The following ARID1A variants were observed in gnomAD, a reference collection of about 807,000 sequenced individuals.
The protein encoded by ARID1A is AT-rich interactive domain-containing protein 1A.
Under a neutral mutation model 212.6 loss-of-function variants are expected in ARID1A, and 20 were observed. The ratio of observed to expected loss-of-function variants is 0.09; its 90% CI spans 0.07 to 0.14. The LOEUF (loss-of-function observed/expected upper bound fraction) is 0.14, where lower values mean the gene tolerates loss of function less well. Among genes scored for constraint, ARID1A ranks in the 10% least tolerant of loss-of-function variants. ARID1A has a pLI of 1.00. For missense variants in ARID1A, 2,587 were observed against 3,059.0 expected (o/e 0.85, Z 3.64); for synonymous variants, 1,376 against 1,222.1 (o/e 1.13, Z -2.63).
chr1:26,728,457 T>C (rs1570572903), intron 1 of ARID1A, among the ~76,000 whole-genome samples: 1 of 152,230 alleles, frequency 6.6e-6, no homozygotes, highest in Non-Finnish European at 1.5e-5. Context: ...GCTTAAATTA[T>C]AGAATAGCTT....
rs949450777 is a variant in ARID1A, at chr1:26,766,468, A to G, written c.2890A>G (p.Ser964Gly). The G allele has an allele frequency of 3.1e-6, 5 of 1,613,986 alleles. No homozygotes were observed. In the African/African-American group the frequency reaches 6.7e-5, roughly 22 times the overall value. ...TTTCTCTTTTACAGGGATGGCAGCC[A>G]GCCCAGAGATGATGGGCCTTGGGGA... The part of the protein sequence containing the change: ...MANNSAGMAA[S>G]PEMMGLGDVK... Residue 964 changes from serine (S) to glycine (G), a missense_variant, in exon 10 of 20, where the codon AGC (serine) becomes GGC (glycine). Physicochemically the swap from Ser to Gly is moderately conservative, Grantham distance 56. Around this residue, in one of 11 missense-constraint regions of ARID1A, gnomAD observed 674 missense variants for 813.4 expected, o/e 0.83. Transcript: ENST00000324856.
In ARID1A at chr1:26,729,764, C is replaced by T. The variant is rs755066600; in HGVS notation, c.1251C>T (p.Tyr417=). ...CAGGACCGCAGCAAGGACATGGGTA[C>T]CCAGGGCAGCCATACGGGTCCCAGA... ...PPSGPQQGHG[Y]PGQPYGSQTP... is the part of the protein sequence containing the mutation. The change falls in exon 2 of 20, where the codon TAC becomes TAT. Residue 417 remains tyrosine, a synonymous_variant. Transcript: ENST00000324856. 5.0e-6 allele frequency: 8 copies of T among 1,614,106 alleles called. No homozygotes were observed. Among genetic ancestry groups the T allele is most frequent in the Non-Finnish European group, 6.8e-6 (8 of 1,180,042 alleles).
At chr1:26,716,305 T>A (rs2080502604) in intron 1 of ARID1A, among the ~76,000 whole-genome samples, 1 of 151,988 alleles carries the variant, frequency 6.6e-6, no homozygotes, top group Non-Finnish European at 1.5e-5. Flanking sequence ...CTACAGTGAA[T>A]CAGATAGTAT....
Position 26,701,357 on chromosome 1 carries a change from C to T in ARID1A, c.1137+3817C>T, listed in dbSNP as rs569693268. 7.2e-5 allele frequency among the ~76,000 whole-genome samples: 11 copies of T among 152,258 alleles called. 1 individual carries two copies. The South Asian group carries it at 2.3e-3, about 32-fold the overall frequency. On this transcript the variant is annotated intron_variant, in intron 1 of 19. Transcript: ENST00000324856. The stretch of plus-strand genomic sequence containing the variant: ...CTGGGGCTTGAATGGAGTCCTGATT[C>T]CTGTGGCTTTTATCTCTGGGTTTTT...
intron 4 of ARID1A, among the ~76,000 whole-genome samples, chr1:26,733,276 G>A (rs1313577146): frequency 6.6e-6 from 1 of 151,230 alleles, no homozygotes; most frequent in African/African-American, 2.4e-5. Flanking sequence ...TTTATTTTTG[G>A]TAGAGTACTT....
intron 18 of ARID1A, 27 bp from the exon 19 acceptor site, chr1:26,775,550 G>C: frequency 6.2e-7 from 1 of 1,613,004 alleles, no homozygotes; most frequent in Non-Finnish European, 8.5e-7. Flanking sequence ...GGGCTTGGTG[G>C]ATAGACGACA....
rs116540923 is a variant in ARID1A at position 26,775,584 on chromosome 1, G to A, written c.5001G>A (p.Pro1667=). 7.4e-4 allele frequency: 1,202 copies of A among 1,614,064 alleles called. 6 individuals carry two copies. The African/African-American group carries it at 0.012, about 16-fold the overall frequency. The change falls in exon 19 of 20, where the codon CCG becomes CCA. Residue 1667 remains proline, a synonymous_variant. Transcript: ENST00000324856. ...RRLTMKDIGT[P]EAWRVMMSLK... is the part of the protein sequence containing the mutation. ...CATGGAGGTTTATTTCAGGAACCCCGGAGGCATGGCGGGTAATGATGTCCC... is the reference window on the plus strand; with the variant it reads ...CATGGAGGTTTATTTCAGGAACCCCAGAGGCATGGCGGGTAATGATGTCCC...
intron 4 of ARID1A, among the ~76,000 whole-genome samples, chr1:26,743,463 G>C (rs1233148462): frequency 1.3e-5 from 2 of 152,094 alleles, no homozygotes; most frequent in African/African-American, 4.8e-5. Flanking sequence ...TTGCTACCTA[G>C]TTGAGCTTTG....
At chr1:26,770,344 C>A (rs578057092) in intron 11 of ARID1A, 1 of 152,168 alleles carries the variant, frequency 6.6e-6, no homozygotes, top group Non-Finnish European at 1.5e-5. Flanking sequence ...AGGGAGCCAC[C>A]ACCCCAAGAA....
In ARID1A at chr1:26,774,625, A is replaced by C. The variant is rs1296461320; in HGVS notation, c.4398A>C (p.Ala1466=). The part of the protein sequence containing the change: ...PFQFGRDRVS[A]PPGTNAQQNM... ...AGTTTGGCCGAGACCGTGTCTCTGC[A>C]CCCCCTGGCACCAATGCCCAGCAAA... Residue 1466 remains alanine, a synonymous_variant, in exon 18 of 20, where the codon GCA becomes GCC. Coordinates refer to ENST00000324856, the MANE Select transcript of ARID1A (RefSeq NM_006015.6). This position sits in a 1 kb window ranked among gnomAD's most constrained non-coding sequence, Gnocchi z 5.6. The C allele has an allele frequency of 6.2e-7, 1 of 1,613,980 alleles. No individual in the cohort carries two copies. The highest frequency in any genetic ancestry group is 1.3e-5 in the African/African-American group (1 of 74,886).
chr1:26,706,274 T>C (rs2080391345), intron 1 of ARID1A, among the ~76,000 whole-genome samples: 1 of 152,248 alleles, frequency 6.6e-6, no homozygotes, highest in Non-Finnish European at 1.5e-5. Flanking sequence ...TGATTTTCCA[T>C]GGCTCATCAC....
rs1465901163 is a variant in ARID1A, at chr1:26,781,549, C to T, written c.*793C>T. On this transcript the variant is annotated 3_prime_UTR_variant, in exon 20 of 20. Transcript: ENST00000324856. ...TCTCCTCCTTGATTGTATGAATAACCCTGAGATCACCTCTTAGAACTGGTT... is the reference window on the plus strand; with the variant it reads ...TCTCCTCCTTGATTGTATGAATAACTCTGAGATCACCTCTTAGAACTGGTT... The T allele has an allele frequency of 4.3e-6, 1 of 233,468 alleles. No individual in the cohort carries two copies. Among genetic ancestry groups the T allele is most frequent in the Non-Finnish European group, 8.5e-6 (1 of 118,012 alleles). The allele number at this position is 233,468 out of a possible 1,614,324, so 14.5% of individuals were successfully genotyped here.
intron 1 of ARID1A, among the ~76,000 whole-genome samples, chr1:26,715,330 T>C (rs547360864): frequency 6.6e-6 from 1 of 152,356 alleles, no homozygotes; most frequent in East Asian, 1.9e-4. Flanking sequence ...AAGGTTACTC[T>C]TGCCCCTCCA....
intron 4 of ARID1A, among the ~76,000 whole-genome samples, chr1:26,750,201 G>A (rs765173972): frequency 4.9e-4 from 74 of 152,184 alleles, no homozygotes; most frequent in Non-Finnish European, 1.9e-4. Context: ...TGTGACTTGG[G>A]TCAAAATAGA....
chr1:26,778,749 G>A (rs948412034), intron 19 of ARID1A: 4 of 327,664 alleles, frequency 1.2e-5, no homozygotes, highest in Non-Finnish European at 2.2e-5. Context: ...AGAAGGCTAA[G>A]AGATGATTGG....
intron 1 of ARID1A, among the ~76,000 whole-genome samples, chr1:26,710,131 C>T (rs973268102): frequency 6.8e-6 from 1 of 146,456 alleles, no homozygotes; most frequent in African/African-American, 2.5e-5. Context: ...CGCACCCGGC[C>T]TATCAGTGCA....
intron 1 of ARID1A, among the ~76,000 whole-genome samples, chr1:26,706,156 T>A (rs923399500): frequency 1.3e-5 from 2 of 152,202 alleles, no homozygotes; most frequent in African/African-American, 4.8e-5. Context: ...ATGTGCCTTT[T>A]TTTCTCTCTT....
chr1:26,745,038 A>T (rs2124806127), intron 4 of ARID1A, among the ~76,000 whole-genome samples: 1 of 152,292 alleles, frequency 6.6e-6, no homozygotes, highest in East Asian at 1.9e-4. Context: ...ATTTGATAAT[A>T]CTGAGTCAGA....
rs1445813822 is a variant in ARID1A at position 26,766,106 on chromosome 1, A to C, written c.2733-115A>C. 6.5e-6 allele frequency: 8 copies of C among 1,227,256 alleles called. No homozygotes were observed. The African/African-American group carries it at 1.2e-4, about 19-fold the overall frequency. The allele number at this position is 1,227,256 out of a possible 1,614,324, so 76.0% of individuals were successfully genotyped here. A position where few individuals can be genotyped will look rare whatever the true frequency, so the allele number is the denominator to read the frequency against. On this transcript the variant is annotated intron_variant, in intron 8 of 19. Coordinates refer to ENST00000324856, the MANE Select transcript of ARID1A (RefSeq NM_006015.6). ...ATAGTTCTAGTTTTGGGGACCCATA[A>C]ATGTTTTCCTTTTAATCCTTACTAG...
Sources: gnomAD v4.1 joint callset for allele counts (sites outside exome capture counted in the v4.1 genomes callset) on GRCh38, gnomAD v4.1.1 for gene constraint, gnomAD v4.1.1 regional missense constraint, Gnocchi (gnomAD v3.1) non-coding constraint, MANE v1.5 for transcripts, NCBI Gene and HGNC (gene_info 2026-07-23, HGNC 2026-07-21) for gene names.